The following PDE10A variants were observed in gnomAD, a reference collection of about 807,000 sequenced individuals.
PDE10A encodes cAMP and cAMP-inhibited cGMP 3',5'-cyclic phosphodiesterase 10A.
Under a neutral mutation model 97.7 loss-of-function variants are expected in PDE10A, and 39 were observed. The ratio of observed to expected loss-of-function variants is 0.40; its 90% CI spans 0.31 to 0.52. PDE10A has a LOEUF of 0.52. PDE10A is among the 20% of genes least tolerant of loss of function. The pLI, the probability that PDE10A is intolerant of heterozygous loss-of-function variation, is 0.56. For synonymous variants in PDE10A, 371 were observed against 376.8 expected, an observed-to-expected ratio of 0.98 and a Z score of 0.18; for missense variants, 731 against 1,047.8, an observed-to-expected ratio of 0.70 and a Z score of 4.17.
chr6:165,967,263 G>A (rs1348394013), intron 1 of PDE10A, among the ~76,000 whole-genome samples: 5 of 152,186 alleles, frequency 3.3e-5, no homozygotes, highest in Non-Finnish European at 7.3e-5. Context: ...TTGGGAGGCC[G>A]AGGCAGGCAG....
intron 1 of PDE10A, among the ~76,000 whole-genome samples, chr6:165,898,701 A>G (rs1782023819): frequency 6.6e-6 from 1 of 151,400 alleles, no homozygotes; most frequent in African/African-American, 2.4e-5. Flanking sequence ...TAAACACTGG[A>G]CGGCACCCAC....
At chr6:165,624,865 C>T (rs931939426) in intron 1 of PDE10A, among the ~76,000 whole-genome samples, 6 of 152,228 alleles carry the variant, frequency 3.9e-5, no homozygotes, top group African/African-American at 1.4e-4. Context: ...GCAGGTGTCA[C>T]AGGCAGTGGA....
chr6:165,857,118 C>G (rs918599776), intron 1 of PDE10A, among the ~76,000 whole-genome samples: 1 of 152,122 alleles, frequency 6.6e-6, no homozygotes, highest in South Asian at 2.1e-4. Flanking sequence ...TAGTTCTAAG[C>G]CTTCCAGGAG....
chr6:165,680,195 A>G (rs545867772), intron 1 of PDE10A, among the ~76,000 whole-genome samples: 90 of 151,818 alleles, frequency 5.9e-4, no homozygotes, highest in African/African-American at 1.9e-3. Flanking sequence ...GGAGGTTGTG[A>G]AAAAAAAATC....
chr6:165,516,265 C>A (rs1781801653), intron 2 of PDE10A, among the ~76,000 whole-genome samples: 1 of 152,162 alleles, frequency 6.6e-6, no homozygotes, highest in Non-Finnish European at 1.5e-5. Flanking sequence ...TCTCTTAATA[C>A]TCCCATGTTA....
intron 17 of PDE10A, among the ~76,000 whole-genome samples, chr6:165,384,004 T>C (rs1193330833): frequency 6.6e-6 from 1 of 152,126 alleles, no homozygotes; most frequent in Non-Finnish European, 1.5e-5. Flanking sequence ...AGCAGATCTG[T>C]AGTCCTGGAA....
rs957898732 is a variant in PDE10A, at chr6:165,609,708, C to G, written c.865+52239G>C. On this transcript the variant is annotated intron_variant, in intron 1 of 21. Coordinates refer to ENST00000539869, the MANE Select transcript of PDE10A (RefSeq NM_001385079.1). ...CAAAAATCACAAGCATTCTTATACA[C>G]CAATAACAGACAAACAGAGAGCCAA... 3.9e-4 allele frequency among the ~76,000 whole-genome samples: 60 copies of G among 152,244 alleles called. 2 individuals are homozygous for G. Among genetic ancestry groups the G allele is most frequent in the African/African-American group, 1.4e-3 (58 of 41,528 alleles).
intron 2 of PDE10A, among the ~76,000 whole-genome samples, chr6:165,522,211 C>A (rs978807088): frequency 2.6e-5 from 4 of 152,072 alleles, no homozygotes; most frequent in African/African-American, 4.8e-5. Flanking sequence ...CAAACTCTAA[C>A]AGATGTACAA....
intron 3 of PDE10A, among the ~76,000 whole-genome samples, chr6:165,453,666 T>C (rs929881560): frequency 6.6e-6 from 1 of 152,256 alleles, no homozygotes; most frequent in East Asian, 1.9e-4. Flanking sequence ...GTCATAGTGG[T>C]ATCCACATAA....
At chr6:165,729,507 G>A (rs1027045632) in intron 1 of PDE10A, among the ~76,000 whole-genome samples, 3 of 152,132 alleles carry the variant, frequency 2.0e-5, no homozygotes, top group African/African-American at 2.4e-5. Flanking sequence ...ACCACAGGGG[G>A]GCAGCAACCC....
chr6:165,826,299 C>CCTCT (rs71029566), intron 1 of PDE10A, among the ~76,000 whole-genome samples: 11,350 of 94,138 alleles, frequency 0.12, 542 homozygotes, highest in South Asian at 0.24. Context: ...TCCCCATGTC[C>CCTCT]GTCTTCATGT....
chr6:165,824,156 A>G (rs1436216043), intron 1 of PDE10A, among the ~76,000 whole-genome samples: 1 of 152,206 alleles, frequency 6.6e-6, no homozygotes, highest in African/African-American at 2.4e-5. Context: ...CATCATGCGG[A>G]GAGTGCCTGG....
At chr6:165,882,705 A>G (rs1781516838) in intron 1 of PDE10A, among the ~76,000 whole-genome samples, 1 of 151,786 alleles carries the variant, frequency 6.6e-6, no homozygotes, top group African/African-American at 2.4e-5. Flanking sequence ...TTCATGGCAC[A>G]TGTATCTTCC....
intron 5 of PDE10A, among the ~76,000 whole-genome samples, chr6:165,447,543 T>C (rs959085545): frequency 6.6e-6 from 1 of 152,188 alleles, no homozygotes; most frequent in Admixed American, 6.6e-5. Context: ...TCCACACGTA[T>C]CAGCCAATTA....
chr6:165,405,541 G>A (rs140927298), intron 13 of PDE10A, among the ~76,000 whole-genome samples: 13 of 152,258 alleles, frequency 8.5e-5, no homozygotes, highest in African/African-American at 2.2e-4. Flanking sequence ...TATGGACTAC[G>A]CACTGTTCTA....
At chr6:165,565,737 G>C (rs1784746493) in intron 1 of PDE10A, among the ~76,000 whole-genome samples, 1 of 152,086 alleles carries the variant, frequency 6.6e-6, no homozygotes, top group Admixed American at 6.5e-5. Flanking sequence ...ATGGATACGT[G>C]GATCAATGGA....
chr6:165,434,216 T>TGAGAAC (rs1789830170), intron 6 of PDE10A, among the ~76,000 whole-genome samples: 1 of 149,498 alleles, frequency 6.7e-6, no homozygotes, highest in South Asian at 2.1e-4. Flanking sequence ...CATTTTCAAA[T>TGAGAAC]GAGAACTTAT....
chr6:165,681,091 T>C (rs1200583394), intron 1 of PDE10A, among the ~76,000 whole-genome samples: 3 of 152,196 alleles, frequency 2.0e-5, no homozygotes, highest in African/African-American at 7.2e-5. Context: ...ACTGTCCATC[T>C]TATCACAGTA....
intron 1 of PDE10A, among the ~76,000 whole-genome samples, chr6:165,943,406 A>G (rs575479587): frequency 6.7e-6 from 1 of 150,044 alleles, no homozygotes; most frequent in Admixed American, 6.6e-5. Context: ...TCTATTGAGC[A>G]CAATATTTAT....
Sources: allele counts gnomAD v4.1 joint callset (sites outside exome capture counted in the v4.1 genomes callset), GRCh38; gene constraint gnomAD v4.1.1; transcripts MANE v1.5; gene names NCBI Gene and HGNC (gene_info 2026-07-23, HGNC 2026-07-21).